SLC23A2: variants seen among roughly 807,000 people sequenced by gnomAD.
The protein encoded by SLC23A2 is solute carrier family 23 member 2, also known as Na(+)/L-ascorbic acid transporter 2.
In SLC23A2, 36 loss-of-function variants were observed where a neutral mutation model predicts 73.3. The observed-to-expected ratio is 0.49, with a 90% confidence interval of 0.38 to 0.65. The LOEUF (loss-of-function observed/expected upper bound fraction) is 0.65, where lower values mean the gene tolerates loss of function less well. Among genes scored for constraint, SLC23A2 ranks in the 30% least tolerant of loss-of-function variants. The pLI is 0.00. For missense variants in SLC23A2, 507 were observed against 841.6 expected (o/e 0.60, Z 4.92); for synonymous variants, 343 against 327.3 (o/e 1.05, Z -0.52).
chr20:4,949,115 A>G (rs2087159525), intron 2 of SLC23A2, among the ~76,000 whole-genome samples: 2 of 151,932 alleles, frequency 1.3e-5, no homozygotes, highest in African/African-American at 4.8e-5. Context: ...GTGAAACCCC[A>G]TCTCTACTAA....
Position 4,902,570 on chromosome 20 carries a change from A to G in SLC23A2, c.208-12T>C. ...TCAGCGAGAGAGCTCTGCGAGCCAG[A>G]AGGAGAAAAGAAGGTGCTCATTAAA... On this transcript the variant is annotated splice_polypyrimidine_tract_variant and intron_variant, in intron 4 of 16. Coordinates refer to ENST00000338244, the MANE Select transcript of SLC23A2 (RefSeq NM_005116.6). This position sits in a 1 kb window ranked among gnomAD's most constrained non-coding sequence, Gnocchi z 4.0. 1 of 1,509,284 alleles carries G rather than the reference A, an allele frequency of 6.6e-7. No homozygotes were observed. Among genetic ancestry groups the G allele is most frequent in the Non-Finnish European group, 9.2e-7 (1 of 1,091,384 alleles). 93.5% of individuals were successfully genotyped at this position (1,509,284 alleles called of 1,614,324 possible).
intron 16 of SLC23A2, 146 bp downstream of exon 16, chr20:4,859,143 T>C (rs1490438920): frequency 1.6e-6 from 1 of 616,920 alleles, no homozygotes; most frequent in Non-Finnish European, 2.9e-6. Context: ...GGGAGTGCCA[T>C]CACAACTGTT....
chr20:4,894,500 C>A (rs1313359346), intron 6 of SLC23A2, among the ~76,000 whole-genome samples: 1 of 152,200 alleles, frequency 6.6e-6, no homozygotes, highest in Non-Finnish European at 1.5e-5. Context: ...GTGGTCTCAG[C>A]CAGTCAGCCT....
At chr20:4,955,392 CACACA>C (rs776430935) in intron 2 of SLC23A2, among the ~76,000 whole-genome samples, 1 of 140,688 alleles carries the variant, frequency 7.1e-6, no homozygotes, top group Admixed American at 7.0e-5. Flanking sequence ...CACACACACA[CACACA>C]CCCTAGAATA....
At position 4,883,004 on chromosome 20, in the gene SLC23A2, A is replaced by G. The variant is rs1930953572; in HGVS notation, c.824+638T>C. 6.6e-6 allele frequency among the ~76,000 whole-genome samples: 1 copy of G among 152,202 alleles called. No individual in the cohort carries two copies. Among genetic ancestry groups the G allele is most frequent in the Non-Finnish European group, 1.5e-5 (1 of 68,030 alleles). On this transcript the variant is annotated intron_variant, in intron 9 of 16. Coordinates refer to ENST00000338244, the MANE Select transcript of SLC23A2 (RefSeq NM_005116.6). The surrounding 1 kb of genome is among the most constrained non-coding windows in gnomAD (Gnocchi z 4.5). ...AAAGAGTTCTGTGACTCTAATCATC[A>G]GTAATATTATCAAACTCCCCTGTGA...
chr20:4,928,954 G>A lies in SLC23A2; in HGVS notation c.108+3501C>T, dbSNP rs76585567. 6.2e-3 allele frequency among the ~76,000 whole-genome samples: 937 copies of A among 152,210 alleles called. 12 individuals are homozygous for A. The highest frequency in any genetic ancestry group is 0.02 in the African/African-American group (847 of 41,554). ...CTTAAAAAGACAAACATTTCCGTAC[G>A]CAAGAAACATGTATGGGCTGGGCAC... On this transcript the variant is annotated intron_variant, in intron 3 of 16. Transcript: ENST00000338244.
chr20:4,944,048 C>T (rs974579007), intron 2 of SLC23A2, among the ~76,000 whole-genome samples: 4 of 152,224 alleles, frequency 2.6e-5, no homozygotes, highest in African/African-American at 4.8e-5. Context: ...TAGAAATCTA[C>T]TGTTTTGACT....
intron 2 of SLC23A2, among the ~76,000 whole-genome samples, chr20:4,941,365 C>T (rs2087038399): frequency 6.6e-6 from 1 of 151,976 alleles, no homozygotes; most frequent in Non-Finnish European, 1.5e-5. Context: ...TCCATCTCTA[C>T]AAAAAATGAA....
intron 1 of SLC23A2, among the ~76,000 whole-genome samples, chr20:4,980,791 A>G (rs2087714987): frequency 6.6e-6 from 1 of 152,136 alleles, no homozygotes; most frequent in Non-Finnish European, 1.5e-5. Context: ...CGGCCTCCCA[A>G]AGGGCTGGGT....
rs542721364 is a variant in SLC23A2, at chr20:4,872,339, G to T, written c.1102+1597C>A. ...GCTATGGAGCTCTGGTACCCCACCA[G>T]CCCTCGGCAGGCCAGGAGCCCTACG... On this transcript the variant is annotated intron_variant, in intron 11 of 16. Coordinates refer to ENST00000338244, the MANE Select transcript of SLC23A2 (RefSeq NM_005116.6). The surrounding 1 kb of genome is among the most constrained non-coding windows in gnomAD (Gnocchi z 4.4). Among the ~76,000 whole-genome samples the T allele has an allele frequency of 2.3e-3, 349 of 152,234 alleles. 21 individuals are homozygous for T. The South Asian group carries it at 0.071, about 31-fold the overall frequency.
At chr20:4,861,293 CA>C (rs1259741391) in intron 15 of SLC23A2, among the ~76,000 whole-genome samples, 1 of 152,112 alleles carries the variant, frequency 6.6e-6, no homozygotes. Flanking sequence ...GGAAACTGGA[CA>C]GAGGTGATGG....
intron 1 of SLC23A2, among the ~76,000 whole-genome samples, chr20:4,995,164 G>GA (rs1437033401): frequency 6.6e-6 from 1 of 152,028 alleles, no homozygotes; most frequent in Non-Finnish European, 1.5e-5. Flanking sequence ...CCAGTGGGGG[G>GA]AAAAAATGTG....
intron 9 of SLC23A2, among the ~76,000 whole-genome samples, chr20:4,881,288 G>C (rs1930873015): frequency 6.6e-6 from 1 of 152,074 alleles, no homozygotes; most frequent in African/African-American, 2.4e-5. Flanking sequence ...CGAGTTTACA[G>C]GTCTGAACTA....
At chr20:5,007,544 C>T (rs2088204444) in intron 1 of SLC23A2, among the ~76,000 whole-genome samples, 1 of 151,898 alleles carries the variant, frequency 6.6e-6, no homozygotes, top group Non-Finnish European at 1.5e-5. Flanking sequence ...AACAAACAAA[C>T]AAAAAAAGTA....
At chr20:4,958,106 C>T (rs946994501) in intron 2 of SLC23A2, among the ~76,000 whole-genome samples, 4 of 152,150 alleles carry the variant, frequency 2.6e-5, no homozygotes, top group African/African-American at 9.7e-5. Flanking sequence ...CTGCACCCTT[C>T]CAGCTCAAGA....
intron 2 of SLC23A2, among the ~76,000 whole-genome samples, chr20:4,939,771 T>C (rs2122959507): frequency 6.6e-6 from 1 of 152,282 alleles, no homozygotes; most frequent in South Asian, 2.1e-4. Flanking sequence ...CTGCTCACCA[T>C]GGCAAGAATA....
intron 6 of SLC23A2, among the ~76,000 whole-genome samples, chr20:4,893,632 A>C (rs1391479371): frequency 6.6e-6 from 1 of 152,174 alleles, no homozygotes; most frequent in Non-Finnish European, 1.5e-5. Flanking sequence ...GATAGAAGAC[A>C]GAGGAACTCT....
At chr20:4,973,481 G>T (rs972828947) in intron 1 of SLC23A2, among the ~76,000 whole-genome samples, 6 of 152,192 alleles carry the variant, frequency 3.9e-5, no homozygotes, top group African/African-American at 1.4e-4. Flanking sequence ...CTACTGCACA[G>T]AACAAGTACT....
At chr20:4,952,103 CAAAAAAAAA>C (rs57832305) in intron 2 of SLC23A2, among the ~76,000 whole-genome samples, 6 of 40,530 alleles carry the variant, frequency 1.5e-4, no homozygotes, top group African/African-American at 4.5e-4. Context: ...GACTCTGACT[CAAAAAAAAA>C]AAAAAAAAAA....
Sources: gnomAD v4.1 joint callset for allele counts (sites outside exome capture counted in the v4.1 genomes callset) on GRCh38, gnomAD v4.1.1 for gene constraint, Gnocchi (gnomAD v3.1) non-coding constraint, MANE v1.5 for transcripts, NCBI Gene and HGNC (gene_info 2026-07-23, HGNC 2026-07-21) for gene names.